Variants in GANC observed in about 807,000 individuals in gnomAD.
GANC encodes glucosidase alpha, neutral C.
In GANC, 117 loss-of-function variants were observed where a neutral mutation model predicts 124.2. That is an observed-to-expected ratio of 0.94 (90% CI 0.81 to 1.10). The LOEUF (loss-of-function observed/expected upper bound fraction) is 1.10, where lower values mean the gene tolerates loss of function less well. GANC is among the 50% of genes least tolerant of loss of function. The probability of loss-of-function intolerance (pLI) is 0.00; values close to 1 mark genes in which losing one functional copy is unlikely to be tolerated. For missense variants in GANC, 1,140 were observed against 1,095.0 expected, an observed-to-expected ratio of 1.04 and a Z score of -0.58; for synonymous variants, 377 against 376.8, an observed-to-expected ratio of 1.00 and a Z score of -0.01.
At position 42,352,104 on chromosome 15, in the gene GANC, A is replaced by G; in HGVS notation, c.2710A>G (p.Asn904Asp). 2 of 1,614,182 alleles carry G rather than the reference A, an allele frequency of 1.2e-6. No individual in the cohort carries two copies. Among genetic ancestry groups the G allele is most frequent in the Non-Finnish European group, 1.7e-6 (2 of 1,180,026 alleles). Residue 904 changes from asparagine to aspartate, a missense_variant, in exon 24 of 24, where the codon AAC becomes GAC. Asn to Asp is a conservative substitution (Grantham distance 23, BLOSUM62 1). Coordinates refer to ENST00000318010, the MANE Select transcript of GANC (RefSeq NM_198141.3). Reference sequence around the variant, plus strand: ...CCTGAGCCTGGAGAAGCTCTCACTCAACATTGCCACTGACTGGGAGGTCCG... The same window carrying G: ...CCTGAGCCTGGAGAAGCTCTCACTCGACATTGCCACTGACTGGGAGGTCCG... ...SILSLEKLSL[N>D]IATDWEVRII is the part of the protein sequence containing the mutation.
In GANC at chr15:42,339,750, TC is replaced by T. The variant is rs569010658; in HGVS notation, c.1927del (p.Arg643ValfsTer6). On this transcript the variant is annotated frameshift_variant, in exon 17 of 24. Coordinates refer to ENST00000318010, the MANE Select transcript of GANC (RefSeq NM_198141.3). LOFTEE classifies it high-confidence loss of function. ...WYQAGAYQPF[F>X]RGHATMNTKR... ...CAGGCTGGAGCCTACCAGCCCTTCT[TC>T]CGTGGCCATGCCACCATGAACACCA... 8.1e-6 allele frequency: 13 copies of T among 1,614,118 alleles called. No individual in the cohort carries two copies. The highest frequency in any genetic ancestry group is 1.6e-4 in the Middle Eastern group (1 of 6,062).
Position 42,292,726 on chromosome 15 carries a change from G to A in GANC, c.330-9G>A. Reference sequence around the variant, plus strand: ...CAGCTTGTTTCTCTCTTCCTGTTTTGTTTTCTAGGCTGATTTCATGCTCTG... The same window carrying A: ...CAGCTTGTTTCTCTCTTCCTGTTTTATTTTCTAGGCTGATTTCATGCTCTG... On this transcript the variant is annotated splice_polypyrimidine_tract_variant and intron_variant, in intron 4 of 23. Coordinates refer to ENST00000318010, the MANE Select transcript of GANC (RefSeq NM_198141.3). The A allele has an allele frequency of 6.2e-7, 1 of 1,609,910 alleles. No individual in the cohort carries two copies. The highest frequency in any genetic ancestry group is 8.5e-7 in the Non-Finnish European group (1 of 1,177,112).
At chr15:42,306,462 AT>A (rs2051996500) in intron 6 of GANC, 83 bp from the exon 7 acceptor site, 6 of 1,088,916 alleles carry the variant, frequency 5.5e-6, no homozygotes, top group African/African-American at 3.2e-5. Context: ...TTTTAAAAAA[AT>A]AATCCAAATA....
In GANC at chr15:42,352,321, G is replaced by A; in HGVS notation, c.*182G>A. 1 of 1,413,136 alleles carries A rather than the reference G, an allele frequency of 7.1e-7. No individual in the cohort carries two copies. The highest frequency in any genetic ancestry group is 1.5e-5 in the South Asian group (1 of 65,328). 87.5% of individuals were successfully genotyped at this position (1,413,136 alleles called of 1,614,324 possible). On this transcript the variant is annotated 3_prime_UTR_variant, in exon 24 of 24. Coordinates refer to ENST00000318010, the MANE Select transcript of GANC (RefSeq NM_198141.3). ...TGTTTCAAAATTTCAGATTTTACAT[G>A]TTAAGATGTACTAACAATATTCCTT...
At chr15:42,342,942 A>C in intron 18 of GANC, 136 bp from the exon 19 acceptor site, 1 of 664,410 alleles carries the variant, frequency 1.5e-6, no homozygotes, top group Non-Finnish European at 2.6e-6. Context: ...TCATTGGTTC[A>C]AGTCAGTCTC....
chr15:42,305,823 C>T (rs2141040284), intron 6 of GANC, among the ~76,000 whole-genome samples: 1 of 152,186 alleles, frequency 6.6e-6, no homozygotes, highest in South Asian at 2.1e-4. Flanking sequence ...AACCATCATT[C>T]TCAGCAAACT....
rs750824969 is a variant in GANC, at chr15:42,339,621, CA to C, written c.1844-47del. The C allele has an allele frequency of 8.8e-6, 14 of 1,594,612 alleles. No individual in the cohort carries two copies. The South Asian group carries it at 1.6e-4, about 18-fold the overall frequency. On this transcript the variant is annotated intron_variant, in intron 16 of 23. Coordinates refer to ENST00000318010, the MANE Select transcript of GANC (RefSeq NM_198141.3). ...AAGACCTTAATTTCCCTGTGTGCAT[CA>C]TTTATCCAAAGCTTGGTTGCCTCAC...
At chr15:42,306,099 T>C (rs2051993053) in intron 6 of GANC, among the ~76,000 whole-genome samples, 1 of 151,450 alleles carries the variant, frequency 6.6e-6, no homozygotes. Flanking sequence ...TGATACTGGC[T>C]CACTGCAACC....
At chr15:42,285,025 CACTA>C (rs1181904852) in intron 3 of GANC, among the ~76,000 whole-genome samples, 1 of 152,092 alleles carries the variant, frequency 6.6e-6, no homozygotes, top group African/African-American at 2.4e-5. Flanking sequence ...TTCCAATCAT[CACTA>C]ACAGGAGGAA....
chr15:42,290,251 C>T (rs936454895), intron 4 of GANC, among the ~76,000 whole-genome samples: 1 of 152,282 alleles, frequency 6.6e-6, no homozygotes. Flanking sequence ...ATGCAGAATT[C>T]AGAGCTCTGA....
At chr15:42,339,538 C>T (rs2052312946) in intron 16 of GANC, 131 bp from the exon 17 acceptor site, 2 of 1,081,930 alleles carry the variant, frequency 1.8e-6, no homozygotes, top group Non-Finnish European at 2.7e-6. Context: ...TGTTTGAGGC[C>T]ACGGCTTTAT....
At chr15:42,316,625 G>C (rs911716740) in intron 10 of GANC, among the ~76,000 whole-genome samples, 1 of 152,332 alleles carries the variant, frequency 6.6e-6, no homozygotes, top group Non-Finnish European at 1.5e-5. Context: ...GACAAGGAAC[G>C]TGACCATTGA....
rs193271495 is a variant in GANC at position 42,277,079 on chromosome 15, T to C, written c.92+669T>C. ...AAATAGCACTACCACAATGAAGAGC[T>C]ATACATAGGTCATTTTCTACACATG... On this transcript the variant is annotated intron_variant, in intron 2 of 23. Coordinates refer to ENST00000318010, the MANE Select transcript of GANC (RefSeq NM_198141.3). Among the ~76,000 whole-genome samples the C allele has an allele frequency of 7.7e-4, 117 of 152,358 alleles. 1 individual carries two copies. The highest frequency in any genetic ancestry group is 2.6e-4 in the Admixed American group (4 of 15,304).
Position 42,353,537 on chromosome 15 carries a change from A to G in GANC, c.*1398A>G, listed in dbSNP as rs2052478919. ...TGTCTGCGTTCTCCTACTAGATTGT[A>G]TGTCCCTCAAGAGCATGTTCTGTTT... On this transcript the variant is annotated 3_prime_UTR_variant, in exon 24 of 24. Transcript: ENST00000318010. The G allele has an allele frequency of 6.1e-6, 6 of 980,200 alleles. No individual in the cohort carries two copies. The highest frequency in any genetic ancestry group is 3.5e-5 in the African/African-American group (2 of 57,046). 60.7% of individuals were successfully genotyped at this position (980,200 alleles called of 1,614,324 possible).
At chr15:42,297,749 G>T in intron 6 of GANC, 93 bp downstream of exon 6, 1 of 873,156 alleles carries the variant, frequency 1.1e-6, no homozygotes, top group South Asian at 1.9e-5. Context: ...TCTACAGAAG[G>T]GTGCTTGTTA....
intron 15 of GANC, among the ~76,000 whole-genome samples, chr15:42,334,593 A>G (rs916214452): frequency 3.9e-5 from 6 of 152,256 alleles, no homozygotes; most frequent in African/African-American, 1.4e-4. Flanking sequence ...TTTCAAAGAC[A>G]TTGGTAAGAA....
chr15:42,277,924 A>C (rs1381405401), intron 2 of GANC: 1 of 162,958 alleles, frequency 6.1e-6, no homozygotes, highest in Non-Finnish European at 1.4e-5. Context: ...TGAAAAAAAA[A>C]AAAAAAAAAA....
At position 42,339,141 on chromosome 15, in the gene GANC, C is replaced by T. The variant is rs913862059; in HGVS notation, c.1844-528C>T. ...TGTTTTTATTGCATTGGTCCATGTA[C>T]AATACAAGGAATATGTATATACCAC... is the stretch of plus-strand genomic sequence containing the variant. On this transcript the variant is annotated intron_variant, in intron 16 of 23. Coordinates refer to ENST00000318010, the MANE Select transcript of GANC (RefSeq NM_198141.3). Among the ~76,000 whole-genome samples, 4 of 152,004 alleles carry T rather than the reference C, an allele frequency of 2.6e-5. No individual in the cohort carries two copies. In the East Asian group the frequency reaches 7.7e-4, roughly 29 times the overall value.
At chr15:42,337,502 AATG>A (rs1262229566) in intron 15 of GANC, among the ~76,000 whole-genome samples, 2 of 152,172 alleles carry the variant, frequency 1.3e-5, no homozygotes, top group African/African-American at 4.8e-5. Context: ...GTGGGAACTA[AATG>A]ATGAGAACAC....
Sources: gnomAD v4.1 joint callset for allele counts (sites outside exome capture counted in the v4.1 genomes callset) on GRCh38, gnomAD v4.1.1 for gene constraint, MANE v1.5 for transcripts, NCBI Gene and HGNC (gene_info 2026-07-23, HGNC 2026-07-21) for gene names.